CNTNAP5: variants seen among roughly 807,000 people sequenced by gnomAD.
CNTNAP5 encodes the protein contactin associated protein family member 5.
CNTNAP5 carries 72 observed loss-of-function variants against 150.2 expected under a neutral mutation model. The observed-to-expected ratio is 0.48, with a 90% CI of 0.40 to 0.58. The LOEUF (loss-of-function observed/expected upper bound fraction) is 0.58. CNTNAP5 is among the 20% of genes least tolerant of loss of function. The pLI is 0.00. For synonymous variants in CNTNAP5, 672 were observed against 619.8 expected (o/e 1.08, Z -1.25); for missense variants, 1,636 against 1,626.2 (o/e 1.01, Z -0.10).
intron 19 of CNTNAP5, among the ~76,000 whole-genome samples, chr2:124,820,539 G>GC (rs1558788897): frequency 6.6e-6 from 1 of 151,892 alleles, no homozygotes; most frequent in Admixed American, 6.6e-5. Context: ...AAAGGAAAGG[G>GC]GGGGGAGAAA....
intron 19 of CNTNAP5, among the ~76,000 whole-genome samples, chr2:124,835,605 A>G (rs987705446): frequency 2.0e-5 from 3 of 152,114 alleles, no homozygotes; most frequent in Non-Finnish European, 4.4e-5. Flanking sequence ...CTGGAATGGC[A>G]TTTGACATTA....
intron 11 of CNTNAP5, among the ~76,000 whole-genome samples, chr2:124,590,083 C>A (rs957480446): frequency 6.6e-6 from 1 of 152,062 alleles, no homozygotes; most frequent in African/African-American, 2.4e-5. Flanking sequence ...TGTCTCCCTG[C>A]CATTCCACCT....
chr2:124,173,149 T>G (rs1274126611), intron 1 of CNTNAP5, among the ~76,000 whole-genome samples: 4 of 152,158 alleles, frequency 2.6e-5, no homozygotes, highest in African/African-American at 9.7e-5. Flanking sequence ...GTGATAAGTG[T>G]TGTGTGTTAT....
At position 124,103,262 on chromosome 2, in the gene CNTNAP5, G is replaced by C. The variant is rs1205297536; in HGVS notation, c.82+77530G>C. 2.0e-5 allele frequency among the ~76,000 whole-genome samples: 3 copies of C among 152,100 alleles called. No homozygotes were observed. The South Asian group carries it at 6.2e-4, about 32-fold the overall frequency. On this transcript the variant is annotated intron_variant, in intron 1 of 23. Coordinates refer to ENST00000682447, the MANE Select transcript of CNTNAP5 (RefSeq NM_001367498.1). ...AGTGCCGTTACAAAAGAATCAAAAA[G>C]TGAAATAAAATTAAAAACTGTGTAA...
intron 1 of CNTNAP5, among the ~76,000 whole-genome samples, chr2:124,187,465 C>T (rs1685361287): frequency 6.6e-6 from 1 of 152,230 alleles, no homozygotes; most frequent in South Asian, 2.1e-4. Flanking sequence ...ATAAAAATCC[C>T]TGGGAATTCA....
chr2:124,484,756 C>T (rs1693833913), intron 7 of CNTNAP5, among the ~76,000 whole-genome samples: 1 of 152,134 alleles, frequency 6.6e-6, no homozygotes, highest in Non-Finnish European at 1.5e-5. Flanking sequence ...TTTTATAGGG[C>T]ACACACACCC....
intron 6 of CNTNAP5, among the ~76,000 whole-genome samples, chr2:124,448,262 C>T (rs991736059): frequency 4.6e-5 from 4 of 87,306 alleles, no homozygotes; most frequent in South Asian, 5.4e-4. Flanking sequence ...AGTCAGACTC[C>T]GTCTTAAAAT....
chr2:124,223,327 C>A (rs1432788385), intron 2 of CNTNAP5, among the ~76,000 whole-genome samples: 1 of 152,170 alleles, frequency 6.6e-6, no homozygotes, highest in Non-Finnish European at 1.5e-5. Flanking sequence ...AGCTATGCCA[C>A]TTAAAAACTC....
chr2:124,504,177 G>T, intron 7 of CNTNAP5, 115 bp from the exon 8 acceptor site: 3 of 1,045,206 alleles, frequency 2.9e-6, no homozygotes, highest in Non-Finnish European at 4.2e-6. Context: ...AGATCTTGCC[G>T]CTGAATGTGG....
chr2:124,240,224 C>T (rs2104764356), intron 2 of CNTNAP5, among the ~76,000 whole-genome samples: 1 of 152,270 alleles, frequency 6.6e-6, no homozygotes, highest in Non-Finnish European at 1.5e-5. Context: ...AAGTGTTTAG[C>T]TCTCATTCAT....
intron 1 of CNTNAP5, among the ~76,000 whole-genome samples, chr2:124,063,794 G>A (rs1425558882): frequency 1.3e-5 from 2 of 152,094 alleles, no homozygotes; most frequent in Non-Finnish European, 2.9e-5. Flanking sequence ...TGTCATCAAA[G>A]TAGTGGAATA....
At chr2:124,156,369 G>C (rs1684548754) in intron 1 of CNTNAP5, among the ~76,000 whole-genome samples, 1 of 152,212 alleles carries the variant, frequency 6.6e-6, no homozygotes, top group Admixed American at 6.5e-5. Flanking sequence ...TTATGGATTT[G>C]TGAAATGAAG....
intron 8 of CNTNAP5, among the ~76,000 whole-genome samples, chr2:124,510,301 C>CTATATATATATATCTATATATATA (rs368230554): frequency 6.6e-5 from 7 of 106,050 alleles, no homozygotes; most frequent in Non-Finnish European, 7.1e-5. Context: ...ATCTATATAT[C>CTATATATATATATCTATATATATA]TATATATATA....
intron 1 of CNTNAP5, among the ~76,000 whole-genome samples, chr2:124,137,226 G>A (rs1683994476): frequency 6.6e-6 from 1 of 151,752 alleles, no homozygotes; most frequent in South Asian, 2.1e-4. Context: ...GAGTCAATTT[G>A]TGAATGAATG....
intron 12 of CNTNAP5, among the ~76,000 whole-genome samples, chr2:124,610,819 T>A (rs889525498): frequency 1.3e-5 from 2 of 151,908 alleles, no homozygotes; most frequent in African/African-American, 4.8e-5. Flanking sequence ...ATTAGCTGGG[T>A]GCGGTGGCAT....
chr2:124,645,456 T>C (rs1426970988), intron 12 of CNTNAP5, among the ~76,000 whole-genome samples: 1 of 152,144 alleles, frequency 6.6e-6, no homozygotes, highest in Non-Finnish European at 1.5e-5. Flanking sequence ...TGGTTCTAGC[T>C]ACTTGGGAGT....
At chr2:124,562,892 G>A (rs1695927453) in intron 10 of CNTNAP5, among the ~76,000 whole-genome samples, 1 of 152,044 alleles carries the variant, frequency 6.6e-6, no homozygotes, top group Non-Finnish European at 1.5e-5. Context: ...TTATTTTTTA[G>A]TAAGTGAAAA....
At chr2:124,482,996 G>A (rs1358402552) in intron 7 of CNTNAP5, among the ~76,000 whole-genome samples, 3 of 152,100 alleles carry the variant, frequency 2.0e-5, no homozygotes, top group Admixed American at 6.6e-5. Context: ...AACCAGACCC[G>A]GATTACTCGC....
chr2:124,562,961 A>G (rs1483127754), intron 10 of CNTNAP5, among the ~76,000 whole-genome samples: 3 of 152,200 alleles, frequency 2.0e-5, no homozygotes, highest in African/African-American at 7.2e-5. Flanking sequence ...TTGCCTCAAT[A>G]TTAACATCCT....
Sources: gnomAD v4.1 joint callset for allele counts (sites outside exome capture counted in the v4.1 genomes callset) on GRCh38, gnomAD v4.1.1 for gene constraint, MANE v1.5 for transcripts, NCBI Gene and HGNC (gene_info 2026-07-23, HGNC 2026-07-21) for gene names.